Variants in MBOAT1 observed in about 807,000 individuals in gnomAD.
MBOAT1 encodes the protein membrane-bound glycerophospholipid O-acyltransferase 1.
A neutral mutation model predicts 64.4 loss-of-function variants in MBOAT1; 67 were observed. The observed-to-expected ratio is 1.04, with a 90% CI of 0.85 to 1.27. The LOEUF is 1.27. MBOAT1 is among the 50% of genes most tolerant of loss of function. The probability of loss-of-function intolerance (pLI) is 0.00; values close to 1 mark genes in which losing one functional copy is unlikely to be tolerated. For missense variants in MBOAT1, 563 were observed against 604.6 expected, an observed-to-expected ratio of 0.93 and a Z score of 0.72; for synonymous variants, 229 against 218.9, an observed-to-expected ratio of 1.05 and a Z score of -0.41.
chr6:20,179,580 G>A (rs1042519279), intron 1 of MBOAT1, among the ~76,000 whole-genome samples: 2 of 152,116 alleles, frequency 1.3e-5, no homozygotes, highest in Non-Finnish European at 2.9e-5. Context: ...GGGCATTTAG[G>A]TTGATTCCAT....
At chr6:20,121,822 T>C (rs1760500653) in intron 8 of MBOAT1, among the ~76,000 whole-genome samples, 1 of 151,334 alleles carries the variant, frequency 6.6e-6, no homozygotes. Context: ...CTCTGTCCCC[T>C]ACACACACAC....
chr6:20,140,668 C>A (rs1761142751), intron 4 of MBOAT1, among the ~76,000 whole-genome samples: 1 of 152,198 alleles, frequency 6.6e-6, no homozygotes. Context: ...GGCCTTCAGC[C>A]TCAGACTGAA....
chr6:20,120,103 G>A (rs1760452689), intron 8 of MBOAT1, among the ~76,000 whole-genome samples: 1 of 151,786 alleles, frequency 6.6e-6, no homozygotes, highest in African/African-American at 2.4e-5. Flanking sequence ...TAACAGTGTT[G>A]AGACAGAAGG....
chr6:20,210,338 C>A (rs1367737998), intron 1 of MBOAT1, among the ~76,000 whole-genome samples: 1 of 152,158 alleles, frequency 6.6e-6, no homozygotes, highest in Non-Finnish European at 1.5e-5. Flanking sequence ...AGGGAAAAAA[C>A]ACACAAAGCT....
At chr6:20,154,650 A>G (rs1168491704) in intron 1 of MBOAT1, among the ~76,000 whole-genome samples, 1 of 152,236 alleles carries the variant, frequency 6.6e-6, no homozygotes, top group Non-Finnish European at 1.5e-5. Flanking sequence ...CTATCTTGAC[A>G]GACAGAGAAG....
At chr6:20,118,733 A>AT (rs1760408547) in intron 8 of MBOAT1, among the ~76,000 whole-genome samples, 193 bp from the exon 9 acceptor site, 1 of 152,226 alleles carries the variant, frequency 6.6e-6, no homozygotes, top group South Asian at 2.1e-4. Context: ...GGTAACCTTG[A>AT]TTTTTATGCA....
chr6:20,194,480 C>A (rs550728568), intron 1 of MBOAT1, among the ~76,000 whole-genome samples: 2 of 152,198 alleles, frequency 1.3e-5, no homozygotes, highest in Non-Finnish European at 2.9e-5. Context: ...TTGTAGAAAC[C>A]CTCGATCGAG....
intron 3 of MBOAT1, among the ~76,000 whole-genome samples, chr6:20,149,663 G>GATA (rs1196539917): frequency 6.6e-6 from 1 of 152,184 alleles, no homozygotes; most frequent in Non-Finnish European, 1.5e-5. Context: ...TGAGAAGAGA[G>GATA]ATGATTAGAA....
At chr6:20,175,598 C>T (rs767292203) in intron 1 of MBOAT1, among the ~76,000 whole-genome samples, 4 of 151,682 alleles carry the variant, frequency 2.6e-5, no homozygotes, top group East Asian at 1.9e-4. Flanking sequence ...AGGCACACGT[C>T]GCCACGCCTG....
rs867263419 is a variant in MBOAT1, at chr6:20,107,169, C to T, written c.1361+2429G>A. ...CTGTGTAAATTCTGTTACTCACCCT[C>T]TCTTGAGTCTCCACTTCCTCATGCG... On this transcript the variant is annotated intron_variant, in intron 12 of 12. Coordinates refer to ENST00000324607, the MANE Select transcript of MBOAT1 (RefSeq NM_001080480.3). Among the ~76,000 whole-genome samples the T allele has an allele frequency of 5.3e-5, 8 of 152,300 alleles. 1 individual carries two copies. The South Asian group carries it at 1.7e-3, about 32-fold the overall frequency.
At chr6:20,173,835 C>T (rs146098859) in intron 1 of MBOAT1, among the ~76,000 whole-genome samples, 1,999 of 152,284 alleles carry the variant, frequency 0.013, 22 homozygotes, top group Non-Finnish European at 0.022. Flanking sequence ...CCTGCAATCC[C>T]AGCTACTCTG....
intron 4 of MBOAT1, among the ~76,000 whole-genome samples, chr6:20,134,899 G>A (rs1204528042): frequency 1.1e-5 from 1 of 87,712 alleles, no homozygotes; most frequent in Non-Finnish European, 2.2e-5. Context: ...TGGAATTCAT[G>A]TTCTTTTTTT....
Position 20,118,496 on chromosome 6 carries a change from C to T in MBOAT1, c.952G>A (p.Asp318Asn). 6.2e-7 allele frequency: 1 copy of T among 1,614,044 alleles called. No individual in the cohort carries two copies. Among genetic ancestry groups the T allele is most frequent in the Non-Finnish European group, 8.5e-7 (1 of 1,180,020 alleles). ...NAAGFGFSGV[D>N]KNGNFCWDLL... ...TCCCAACAGAAATTCCCATTCTTAT[C>T]CACTCCGCTGAACCCAAAGCCAGCT... The change falls in exon 9 of 13, where the codon GAT becomes AAT. Residue 318 changes from aspartate to asparagine, a missense_variant. Coordinates refer to ENST00000324607, the MANE Select transcript of MBOAT1 (RefSeq NM_001080480.3).
At chr6:20,208,040 T>A (rs1763311824) in intron 1 of MBOAT1, among the ~76,000 whole-genome samples, 1 of 152,220 alleles carries the variant, frequency 6.6e-6, no homozygotes, top group Non-Finnish European at 1.5e-5. Context: ...GACTGGAATG[T>A]GAGCTGAGCT....
chr6:20,141,359 CTTT>C (rs755615744), intron 4 of MBOAT1, among the ~76,000 whole-genome samples: 50 of 99,810 alleles, frequency 5.0e-4, no homozygotes, highest in East Asian at 1.1e-3. Flanking sequence ...TTTTCTTTTT[CTTT>C]TTTTTTTTTT....
chr6:20,140,583 C>T (rs1196024656), intron 4 of MBOAT1, among the ~76,000 whole-genome samples: 1 of 152,200 alleles, frequency 6.6e-6, no homozygotes, highest in Non-Finnish European at 1.5e-5. Context: ...GAGACATCAT[C>T]TTCTCCTGCC....
At position 20,178,891 on chromosome 6, in the gene MBOAT1, T is replaced by A. The variant is rs368831505; in HGVS notation, c.100-26122A>T. 1.5e-3 allele frequency among the ~76,000 whole-genome samples: 234 copies of A among 152,080 alleles called. 1 individual carries two copies. Among genetic ancestry groups the A allele is most frequent in the African/African-American group, 5.1e-3 (212 of 41,490 alleles). ...ATCAGAAGATCGTATTAATGATCCA[T>A]AAAATTCTAACTCAAAAATTCCTAT... On this transcript the variant is annotated intron_variant, in intron 1 of 12. Transcript: ENST00000324607.
intron 11 of MBOAT1, among the ~76,000 whole-genome samples, chr6:20,111,815 C>CATATATATATACATATATATACAT (rs201309616): frequency 2.8e-5 from 3 of 106,032 alleles, no homozygotes; most frequent in Non-Finnish European, 3.9e-5. Context: ...CATATATATA[C>CATATATATATACATATATATACAT]ATATATATAC....
rs1761559018 is a variant in MBOAT1 at position 20,152,772 on chromosome 6, G to A, written c.100-3C>T. 1 of 1,600,172 alleles carries A rather than the reference G, an allele frequency of 6.2e-7. No homozygotes were observed. The highest frequency in any genetic ancestry group is 1.3e-5 in the African/African-American group (1 of 74,170). On this transcript the variant is annotated splice_region_variant and splice_polypyrimidine_tract_variant and intron_variant, in intron 1 of 12. Coordinates refer to ENST00000324607, the MANE Select transcript of MBOAT1 (RefSeq NM_001080480.3). ...AGCTGGCATACCACAAAATTCACCT[G>A]TGGCAGGGGAAGAGAAAATAAAAAC...
Sources: allele counts gnomAD v4.1 joint callset (sites outside exome capture counted in the v4.1 genomes callset), GRCh38; gene constraint gnomAD v4.1.1; transcripts MANE v1.5; gene names NCBI Gene and HGNC (gene_info 2026-07-23, HGNC 2026-07-21).